Variants in VPS16 observed in about 807,000 individuals in gnomAD.
VPS16 encodes the protein vacuolar protein sorting-associated protein 16 homolog.
A neutral mutation model predicts 116.0 loss-of-function variants in VPS16; 82 were observed. The ratio of observed to expected loss-of-function variants is 0.71; its 90% CI spans 0.59 to 0.85. The LOEUF (loss-of-function observed/expected upper bound fraction) is 0.85, where lower values mean the gene tolerates loss of function less well. Among genes scored for constraint, VPS16 ranks in the 40% least tolerant of loss-of-function variants. The pLI is 0.00. For synonymous variants in VPS16, 406 were observed against 420.7 expected (o/e 0.96, Z 0.43); for missense variants, 928 against 1,090.6 (o/e 0.85, Z 2.10).
At chr20:2,859,550 C>T (rs1213793980) in intron 1 of VPS16, among the ~76,000 whole-genome samples, 169 bp from the exon 2 acceptor site, 2 of 152,236 alleles carry the variant, frequency 1.3e-5, no homozygotes, top group African/African-American at 2.4e-5. Flanking sequence ...GTGGTCAGTT[C>T]ACCCAACTTT....
rs768679266 is a variant in VPS16, at chr20:2,864,991, G to A, written c.1940G>A (p.Arg647Gln). Reference sequence around the variant, plus strand: ...TTGTCTTTATAGCGTATTGAGGGGCGAGTAGCAGCTCTGCAGACAGCCGCC... The same window carrying A: ...TTGTCTTTATAGCGTATTGAGGGGCAAGTAGCAGCTCTGCAGACAGCCGCC... ...SYAAEERIEG[R>Q]VAALQTAADA... The change falls in exon 20 of 24, where the codon CGA becomes CAA. Residue 647 changes from arginine (R) to glutamine (Q), a missense_variant. By Grantham distance (43) the Arg-to-Gln change is conservative (BLOSUM62 1). Coordinates refer to ENST00000380445, the MANE Select transcript of VPS16 (RefSeq NM_022575.4). The surrounding 1 kb of genome is among the most constrained non-coding windows in gnomAD (Gnocchi z 5.2). 17 of 1,614,136 alleles carry A rather than the reference G, an allele frequency of 1.1e-5. 1 individual carries two copies. The highest frequency in any genetic ancestry group is 1.6e-4 in the Middle Eastern group (1 of 6,062).
At chr20:2,861,593 A>T (rs749600732) in intron 8 of VPS16, 22 bp from the exon 9 acceptor site, 3 of 1,597,464 alleles carry the variant, frequency 1.9e-6, no homozygotes, top group Non-Finnish European at 2.6e-6. Flanking sequence ...GTGTCTAGCC[A>T]GTGTGTATAT....
chr20:2,864,573 G>T lies in VPS16; in HGVS notation c.1845G>T (p.Thr615=), dbSNP rs147342829. The part of the protein sequence containing the change: ...RQFCKHQELE[T]LKDLYNQDDN... ...TCTGTAAGCATCAGGAGCTAGAGAC[G>T]CTGAAGGACCTTTACAATCAGGATG... The change falls in exon 19 of 24, where the codon ACG becomes ACT. Residue 615 remains threonine, a synonymous_variant. Coordinates refer to ENST00000380445, the MANE Select transcript of VPS16 (RefSeq NM_022575.4). This position sits in a 1 kb window ranked among gnomAD's most constrained non-coding sequence, Gnocchi z 5.2. 6.8e-6 allele frequency: 11 copies of T among 1,614,020 alleles called. No individual in the cohort carries two copies. The African/African-American group carries it at 1.2e-4, about 18-fold the overall frequency.
rs1446410205 is a variant in VPS16, at chr20:2,864,081, A to G, written c.1609A>G (p.Lys537Glu). 1 of 1,613,828 alleles carries G rather than the reference A, an allele frequency of 6.2e-7. No individual in the cohort carries two copies. Among genetic ancestry groups the G allele is most frequent in the East Asian group, 2.2e-5 (1 of 44,862 alleles). Reference sequence around the variant, plus strand: ...TTGTGGCCGCACGGAGCTGGCCATCAAGGTGTGGGTGCCCAGCCCTCCACA... The same window carrying G: ...TTGTGGCCGCACGGAGCTGGCCATCGAGGTGTGGGTGCCCAGCCCTCCACA... Reference protein sequence around the residue: ...YGCGRTELAIKLLEYEPRSGE... With the variant: ...YGCGRTELAIELLEYEPRSGE... Residue 537 changes from lysine (K) to glutamate (E), a missense_variant and splice_region_variant, in exon 16 of 24, where the codon AAG becomes GAG. By Grantham distance (56) the Lys-to-Glu change is moderately conservative. Transcript: ENST00000380445. This position sits in a 1 kb window ranked among gnomAD's most constrained non-coding sequence, Gnocchi z 5.2.
At position 2,860,754 on chromosome 20, in the gene VPS16, A is replaced by T. The variant is rs762129213; in HGVS notation, c.521A>T (p.Gln174Leu). Residue 174 changes from glutamine (Q) to leucine (L), a missense_variant, in exon 6 of 24, where the codon CAA becomes CTA. By Grantham distance (113) the Gln-to-Leu change is moderately radical. Transcript: ENST00000380445. This position sits in a 1 kb window ranked among gnomAD's most constrained non-coding sequence, Gnocchi z 6.1. ...LRRMPEVPGL[Q>L]SAPSCWTVLC... ...TCCTTTTCCCTGGCCATAGGTCTGC[A>T]AAGTGCACCCTCCTGCTGGACTGTG... The T allele has an allele frequency of 6.2e-7, 1 of 1,613,894 alleles. No individual in the cohort carries two copies. Among genetic ancestry groups the T allele is most frequent in the Non-Finnish European group, 8.5e-7 (1 of 1,180,034 alleles).
chr20:2,861,056 C>T lies in VPS16; in HGVS notation c.717C>T (p.Asp239=). 1.9e-6 allele frequency: 3 copies of T among 1,614,212 alleles called. No homozygotes were observed. The highest frequency in any genetic ancestry group is 2.5e-6 in the Non-Finnish European group (3 of 1,180,040). The change falls in exon 7 of 24, where the codon GAC becomes GAT. Residue 239 remains aspartate (D), a synonymous_variant. Transcript: ENST00000380445. ...ACCGACACCTGGCACTCTTCACAGA[C>T]ACAGGCTACATCTGGATGGGGACAG... ...FTYRHLALFT[D]TGYIWMGTAS...
chr20:2,851,227 A>G (rs2089117490), intron 1 of VPS16, among the ~76,000 whole-genome samples: 1 of 152,222 alleles, frequency 6.6e-6, no homozygotes, highest in South Asian at 2.1e-4. Flanking sequence ...AGACGTAGGC[A>G]AGCTGCAACT....
intron 1 of VPS16, among the ~76,000 whole-genome samples, chr20:2,847,298 T>TAGGCATCCC (rs1355368897): frequency 2.0e-5 from 3 of 152,088 alleles, no homozygotes; most frequent in Non-Finnish European, 2.9e-5. Flanking sequence ...CACGGCCTCC[T>TAGGCATCCC]AGGCATCCCA....
At position 2,860,467 on chromosome 20, in the gene VPS16, G is replaced by C; in HGVS notation, c.388G>C (p.Val130Leu). 1 of 1,614,076 alleles carries C rather than the reference G, an allele frequency of 6.2e-7. No individual in the cohort carries two copies. The highest frequency in any genetic ancestry group is 1.1e-5 in the South Asian group (1 of 91,084). Reference sequence around the variant, plus strand: ...TCCTCAGGAAGTGCTCCAGAACCGGGTTCTGGATGCCCGGATCTTTCACAC... The same window carrying C: ...TCCTCAGGAAGTGCTCCAGAACCGGCTTCTGGATGCCCGGATCTTTCACAC... ...SMGNEVLQNR[V>L]LDARIFHTEF... Residue 130 changes from valine to leucine, a missense_variant, in exon 5 of 24, where the codon GTT becomes CTT. By Grantham distance (32) the Val-to-Leu change is conservative. Transcript: ENST00000380445. The surrounding 1 kb of genome is among the most constrained non-coding windows in gnomAD (Gnocchi z 6.1).
intron 1 of VPS16, among the ~76,000 whole-genome samples, chr20:2,852,532 A>C (rs563367065): frequency 6.6e-6 from 1 of 152,214 alleles, no homozygotes; most frequent in Admixed American, 6.5e-5. Context: ...AAATAATGCC[A>C]AAGTATATAC....
chr20:2,858,100 G>GTT (rs1301349502), intron 1 of VPS16, among the ~76,000 whole-genome samples: 1 of 138,922 alleles, frequency 7.2e-6, no homozygotes, highest in Admixed American at 7.2e-5. Context: ...ACTACTTTGG[G>GTT]TTTTTTTTTT....
chr20:2,842,904 A>ATCTATCGATAGATAGATAGATG (rs2089021277), intron 1 of VPS16, among the ~76,000 whole-genome samples: 2 of 5,650 alleles, frequency 3.5e-4, no homozygotes, highest in Non-Finnish European at 7.7e-4. Context: ...ATAGATAGAT[A>ATCTATCGATAGATAGATAGATG]TATGTTATGG....
At position 2,865,133 on chromosome 20, in the gene VPS16, T is replaced by C; in HGVS notation, c.2005-15T>C. 1.2e-6 allele frequency: 2 copies of C among 1,614,094 alleles called. No homozygotes were observed. Among genetic ancestry groups the C allele is most frequent in the Non-Finnish European group, 1.7e-6 (2 of 1,179,978 alleles). On this transcript the variant is annotated splice_polypyrimidine_tract_variant and intron_variant, in intron 20 of 23. Coordinates refer to ENST00000380445, the MANE Select transcript of VPS16 (RefSeq NM_022575.4). The surrounding 1 kb of genome is among the most constrained non-coding windows in gnomAD (Gnocchi z 5.2). ...GTCCCTCATCCCCATCATGCCTCAT[T>C]ATCCGGGTCCCCAGGCTACAGAGGA...
In VPS16 at chr20:2,860,947, C is replaced by T; in HGVS notation, c.631-23C>T. On this transcript the variant is annotated intron_variant, in intron 6 of 23. Transcript: ENST00000380445. The surrounding 1 kb of genome is among the most constrained non-coding windows in gnomAD (Gnocchi z 6.1). ...GAAAAGTCAGTATGTATCTGTCCCA[C>T]CCCTACCCTGGCTCTGCCTCAGACG... is the stretch of plus-strand genomic sequence containing the variant. The T allele has an allele frequency of 1.2e-6, 2 of 1,614,108 alleles. No homozygotes were observed. The highest frequency in any genetic ancestry group is 1.7e-6 in the Non-Finnish European group (2 of 1,180,040).
chr20:2,857,969 A>G (rs1291527724), intron 1 of VPS16, among the ~76,000 whole-genome samples: 1 of 152,020 alleles, frequency 6.6e-6, no homozygotes, highest in Non-Finnish European at 1.5e-5. Context: ...CCTCACCTCA[A>G]AAAGTTGTAT....
Position 2,860,319 on chromosome 20 carries a change from G to A in VPS16, c.321G>A (p.Leu107=). 2 of 1,614,094 alleles carry A rather than the reference G, an allele frequency of 1.2e-6. No homozygotes were observed. The highest frequency in any genetic ancestry group is 1.7e-6 in the Non-Finnish European group (2 of 1,180,016). The change falls in exon 4 of 24, where the codon CTG becomes CTA. Residue 107 remains leucine (L), a synonymous_variant. Transcript: ENST00000380445. The surrounding 1 kb of genome is among the most constrained non-coding windows in gnomAD (Gnocchi z 6.1). ...LLCVQEDGAV[L]VYGLHGDFRR... ...GTGTGCAGGAAGATGGTGCTGTACT[G>A]GTTTATGGGCTTCATGGTGACTTCC...
rs2089330617 is a variant in VPS16, at chr20:2,865,817, T to C, written c.2271+322T>C. ...GGAGGGGGCACAGGGAGGGTGCATA[T>C]GGGAGGCAGTGGAGATACTGAGGGC... On this transcript the variant is annotated intron_variant, in intron 22 of 23. Coordinates refer to ENST00000380445, the MANE Select transcript of VPS16 (RefSeq NM_022575.4). The surrounding 1 kb of genome is among the most constrained non-coding windows in gnomAD (Gnocchi z 5.2). The C allele has an allele frequency of 4.3e-6, 2 of 466,944 alleles. No individual in the cohort carries two copies. The highest frequency in any genetic ancestry group is 7.5e-5 in the Admixed American group (2 of 26,810). The allele number at this position is 466,944 out of a possible 1,614,324, so 28.9% of individuals were successfully genotyped here.
chr20:2,862,650 G>A lies in VPS16; in HGVS notation c.1143G>A (p.Gln381=), dbSNP rs748294859. 6.2e-7 allele frequency: 1 copy of A among 1,613,116 alleles called. No individual in the cohort carries two copies. The highest frequency in any genetic ancestry group is 1.1e-5 in the South Asian group (1 of 91,070). ...TGGGCCAGCTGACCCAGGCCGTGCA[G>A]CAGTGCATTGAGGCTGCAGGACATG... ...QELGQLTQAV[Q]QCIEAAGHEH... is the part of the protein sequence containing the mutation. Residue 381 remains glutamine (Q), a synonymous_variant, in exon 12 of 24, where the codon CAG becomes CAA. Coordinates refer to ENST00000380445, the MANE Select transcript of VPS16 (RefSeq NM_022575.4).
rs770008498 is a variant in VPS16 at position 2,863,936 on chromosome 20, G to A, written c.1477-13G>A. On this transcript the variant is annotated splice_polypyrimidine_tract_variant and intron_variant, in intron 15 of 23. Transcript: ENST00000380445. The surrounding 1 kb of genome is among the most constrained non-coding windows in gnomAD (Gnocchi z 4.4). Reference sequence around the variant, plus strand: ...GGCATCCAGATGTTTGTGACACCCCGCATCCCTTGCAGGTGCAACAGAAGG... The same window carrying A: ...GGCATCCAGATGTTTGTGACACCCCACATCCCTTGCAGGTGCAACAGAAGG... 6 of 1,612,228 alleles carry A rather than the reference G, an allele frequency of 3.7e-6. No homozygotes were observed. The highest frequency in any genetic ancestry group is 4.2e-6 in the Non-Finnish European group (5 of 1,178,704).
Sources: allele counts gnomAD v4.1 joint callset (sites outside exome capture counted in the v4.1 genomes callset), GRCh38; gene constraint gnomAD v4.1.1; non-coding constraint Gnocchi (gnomAD v3.1); transcripts MANE v1.5; gene names NCBI Gene and HGNC (gene_info 2026-07-23, HGNC 2026-07-21).